The following PDZD7 variants were observed in gnomAD, a reference collection of about 807,000 sequenced individuals.
PDZD7 encodes the protein PDZ domain containing 7.
In PDZD7, 72 loss-of-function variants were observed where a neutral mutation model predicts 84.7. The ratio of observed to expected loss-of-function variants is 0.85; its 90% CI spans 0.70 to 1.03. PDZD7 has a LOEUF of 1.03. Among genes scored for constraint, PDZD7 ranks in the 50% least tolerant of loss-of-function variants. PDZD7 has a pLI of 0.00. For synonymous variants in PDZD7, 594 were observed against 580.7 expected, an observed-to-expected ratio of 1.02 and a Z score of -0.33; for missense variants, 1,490 against 1,412.9, an observed-to-expected ratio of 1.05 and a Z score of -0.87.
chr10:101,008,682 C>T lies in PDZD7; in HGVS notation c.2887G>A (p.Ala963Thr), dbSNP rs1410636133. Residue 963 changes from alanine (A) to threonine (T), a missense_variant, in exon 17 of 17, where the codon GCC becomes ACC. Ala to Thr is a moderately conservative substitution (Grantham distance 58). Transcript: ENST00000619208. ...GCAGGAAGGCCCCCATCAGTAAGGG[C>T]TGATGAGTCAGAGGGTGAGGGCCGT... The part of the protein sequence containing the change: ...SPRPSPSDSS[A>T]LTDGGLPADH... 1 of 1,535,854 alleles carries T rather than the reference C, an allele frequency of 6.5e-7. No homozygotes were observed. The highest frequency in any genetic ancestry group is 8.7e-7 in the Non-Finnish European group (1 of 1,146,862).
chr10:101,013,630 G>A (rs923791937), intron 11 of PDZD7, among the ~76,000 whole-genome samples: 1 of 152,226 alleles, frequency 6.6e-6, no homozygotes, highest in Non-Finnish European at 1.5e-5. Flanking sequence ...CTGCTGCACA[G>A]GCTGTGACTA....
At chr10:101,019,328 G>A (rs1852920226) in intron 7 of PDZD7, 111 bp from the exon 8 acceptor site, 3 of 1,380,142 alleles carry the variant, frequency 2.2e-6, no homozygotes, top group East Asian at 5.0e-5. Flanking sequence ...GCAGCAGCCA[G>A]GGTTAGAACC....
At chr10:101,024,609 C>T (rs1197598879) in intron 2 of PDZD7, among the ~76,000 whole-genome samples, 1 of 151,864 alleles carries the variant, frequency 6.6e-6, no homozygotes, top group Non-Finnish European at 1.5e-5. Context: ...CGGGACAGGA[C>T]TCTATGCTAA....
chr10:101,024,106 T>C (rs377571005), intron 2 of PDZD7, 38 bp from the exon 3 acceptor site: 30 of 1,613,986 alleles, frequency 1.9e-5, no homozygotes, highest in Admixed American at 3.3e-5. Flanking sequence ...CCCATGTTCA[T>C]TGTGGGCACA....
At chr10:101,023,644 C>T (rs1314481249) in intron 3 of PDZD7, 34 bp from the exon 4 acceptor site, 13 of 1,606,154 alleles carry the variant, frequency 8.1e-6, no homozygotes, top group Non-Finnish European at 1.1e-5. Context: ...TGGCATGGGT[C>T]CCCAGGGTGG....
chr10:101,011,128 C>T (rs559477939), intron 14 of PDZD7: 2 of 1,230,430 alleles, frequency 1.6e-6, no homozygotes, highest in East Asian at 2.9e-5. Context: ...GCAACCTCCA[C>T]CTCCCAGGTT....
intron 6 of PDZD7, 29 bp from the exon 7 acceptor site, chr10:101,020,707 G>A (rs746148963): frequency 7.0e-6 from 11 of 1,579,930 alleles, no homozygotes; most frequent in Non-Finnish European, 9.6e-6. Flanking sequence ...GCATAGGAGG[G>A]AAGGGGGAGC....
In PDZD7 at chr10:101,030,214, C is replaced by G. The variant is rs1244519036; in HGVS notation, c.6G>C (p.Ala2=). 2 of 1,605,664 alleles carry G rather than the reference C, an allele frequency of 1.2e-6. No homozygotes were observed. The highest frequency in any genetic ancestry group is 1.7e-6 in the Non-Finnish European group (2 of 1,177,440). The change falls in exon 2 of 17, where the codon GCG becomes GCC. Residue 2 remains alanine (A), a synonymous_variant. Transcript: ENST00000619208. M[A]QGFAVGFDPL... ...GGTCGAAGCCCACTGCGAAACCCTGCGCCATGGCGGCTGGGCTAGGGCGGC... is the reference window on the plus strand; with the variant it reads ...GGTCGAAGCCCACTGCGAAACCCTGGGCCATGGCGGCTGGGCTAGGGCGGC...
intron 11 of PDZD7, among the ~76,000 whole-genome samples, chr10:101,014,885 TCACA>T (rs962688517): frequency 1.3e-5 from 2 of 152,128 alleles, no homozygotes; most frequent in African/African-American, 4.8e-5. Context: ...CAGCTCGCCC[TCACA>T]CACAGTGTGC....
At position 101,012,275 on chromosome 10, in the gene PDZD7, CACAGGTCAG is replaced by C; in HGVS notation, c.1750-26_1750-18del. 2 of 1,543,562 alleles carry C rather than the reference CACAGGTCAG, an allele frequency of 1.3e-6. No homozygotes were observed. Among genetic ancestry groups the C allele is most frequent in the Non-Finnish European group, 1.8e-6 (2 of 1,141,920 alleles). The stretch of plus-strand genomic sequence containing the variant: ...GTGCACATACTGCAGATAGAGGCAG[CACAGGTCAG>C]ACAGCAGTGGGGGCTTCCAGAGCTG... On this transcript the variant is annotated intron_variant, in intron 11 of 16. Transcript: ENST00000619208.
chr10:101,019,267 G>C lies in PDZD7; in HGVS notation c.929-50C>G, dbSNP rs1014228829. 19 of 1,533,068 alleles carry C rather than the reference G, an allele frequency of 1.2e-5. No individual in the cohort carries two copies. In the African/African-American group the frequency reaches 2.6e-4, roughly 21 times the overall value. The allele number at this position is 1,533,068 out of a possible 1,614,324, so 95.0% of individuals were successfully genotyped here. On this transcript the variant is annotated intron_variant, in intron 7 of 16. Transcript: ENST00000619208. ...ATCAGCGGGCTTGCTTCAGAGCCCT[G>C]CCCGGCTTGCAGACCACCCTTGGGC...
rs1852896089 is a variant in PDZD7 at position 101,019,113 on chromosome 10, C to G, written c.1033G>C (p.Asp345His). The change falls in exon 8 of 17, where the codon GAC (aspartate) becomes CAC (histidine). Residue 345 changes from aspartate to histidine, a missense_variant. Transcript: ENST00000619208. ...TGCCCGAGGCAGATGTCCATGCGGT[C>G]CGACGGCAGGGAGCCCGAGCTGTAG... Reference protein sequence around the residue: ...APYSSGSLPSDRMDICLGQEE... With the variant: ...APYSSGSLPSHRMDICLGQEE... 1 of 1,554,300 alleles carries G rather than the reference C, an allele frequency of 6.4e-7. No individual in the cohort carries two copies. Among genetic ancestry groups the G allele is most frequent in the South Asian group, 1.2e-5 (1 of 85,498 alleles).
intron 2 of PDZD7, among the ~76,000 whole-genome samples, chr10:101,024,835 A>ATGTGTGTGTGTGTG (rs61697970): frequency 4.0e-5 from 6 of 148,232 alleles, no homozygotes; most frequent in Admixed American, 6.7e-5. Context: ...CCTTCCTAAT[A>ATGTGTGTGTGTGTG]TGTGTGTGTG....
At chr10:101,013,480 T>C (rs548114443) in intron 11 of PDZD7, among the ~76,000 whole-genome samples, 1 of 152,302 alleles carries the variant, frequency 6.6e-6, no homozygotes, top group Admixed American at 6.5e-5. Context: ...GAGGTGGTGG[T>C]ATTTTGACTG....
chr10:101,011,690 C>A lies in PDZD7; in HGVS notation c.2005G>T (p.Asp669Tyr). The A allele has an allele frequency of 6.5e-7, 1 of 1,538,296 alleles. No individual in the cohort carries two copies. Among genetic ancestry groups the A allele is most frequent in the Non-Finnish European group, 8.7e-7 (1 of 1,146,744 alleles). ...PKRHLITPVP[D>Y]SRGGFYLLPV... is the part of the protein sequence containing the mutation. ...CCTGGGCTCTGGGACTCTGACTGAC[C>A]AGGCACGGGGGTGATAAGGTGACGC... Residue 669 changes from aspartate to tyrosine, a missense_variant and splice_region_variant, in exon 14 of 17, where the codon GAC becomes TAC. Transcript: ENST00000619208.
At chr10:101,029,879 C>T (rs2134154768) in intron 2 of PDZD7, 115 bp downstream of exon 2, 1 of 1,131,828 alleles carries the variant, frequency 8.8e-7, no homozygotes, top group Non-Finnish European at 1.3e-6. Flanking sequence ...CTCCCTGTGA[C>T]TCCCATCTCT....
chr10:101,015,663 C>T lies in PDZD7; in HGVS notation c.1722G>A (p.Val574=), dbSNP rs919717592. The T allele has an allele frequency of 4.5e-6, 7 of 1,550,210 alleles. No individual in the cohort carries two copies. The highest frequency in any genetic ancestry group is 1.4e-5 in the African/African-American group (1 of 73,040). Residue 574 remains valine (V), a synonymous_variant, in exon 11 of 17, where the codon GTG becomes GTA. Coordinates refer to ENST00000619208, the MANE Select transcript of PDZD7 (RefSeq NM_001195263.2). ...GGGAGCAGTGGCGGGTGACAGCCAG[C>T]ACCTCGTCATCAGTCAGCAGCCTCT... ...LAQRLLTDDE[V]LAVTRHCSRY... is the part of the protein sequence containing the mutation.
chr10:101,011,800 C>T, intron 13 of PDZD7, 39 bp from the exon 14 acceptor site: 4 of 1,550,520 alleles, frequency 2.6e-6, no homozygotes, highest in East Asian at 2.4e-5. Context: ...CAAGGTACCC[C>T]GCCAGGCTCC....
At chr10:101,024,167 GCA>G (rs1937586084) in intron 2 of PDZD7, 99 bp from the exon 3 acceptor site, 1 of 1,568,874 alleles carries the variant, frequency 6.4e-7, no homozygotes, top group Admixed American at 1.7e-5. Context: ...AGGTTGCTGG[GCA>G]CAGTCACACA....
Sources: gnomAD v4.1 joint callset for allele counts (sites outside exome capture counted in the v4.1 genomes callset) on GRCh38, gnomAD v4.1.1 for gene constraint, MANE v1.5 for transcripts, NCBI Gene and HGNC (gene_info 2026-07-23, HGNC 2026-07-21) for gene names.